Variants in RIPK4 observed in about 807,000 individuals in gnomAD.
RIPK4 encodes receptor interacting serine/threonine kinase 4.
A neutral mutation model predicts 42.9 loss-of-function variants in RIPK4; 17 were observed. That is an observed-to-expected ratio of 0.40 (90% CI 0.27 to 0.59). The LOEUF (loss-of-function observed/expected upper bound fraction) is 0.59. Among genes scored for constraint, RIPK4 ranks in the 20% least tolerant of loss-of-function variants. RIPK4 has a pLI of 0.47. For missense variants in RIPK4, 897 were observed against 1,104.4 expected, an observed-to-expected ratio of 0.81 and a Z score of 2.66; for synonymous variants, 498 against 499.1, an observed-to-expected ratio of 1.00 and a Z score of 0.03.
chr21:41,745,375 C>T (rs1347519235), intron 6 of RIPK4, among the ~76,000 whole-genome samples: 1 of 152,208 alleles, frequency 6.6e-6, no homozygotes, highest in Non-Finnish European at 1.5e-5. Context: ...CATCAGAGTG[C>T]AGACCATTTA....
intron 5 of RIPK4, chr21:41,746,229 AG>A: frequency 1.7e-6 from 1 of 602,456 alleles, no homozygotes; most frequent in South Asian, 1.6e-5. Flanking sequence ...TTCCTATGCC[AG>A]AGACACATCT....
chr21:41,741,092 G>T lies in RIPK4; in HGVS notation c.2101C>A (p.Pro701Thr), dbSNP rs35537517. ...AGGTGCAGCGCCGTCTGGTTCAGGGGTCCCCGGGCCAGCACATCGGCCTTC... is the reference window on the plus strand; with the variant it reads ...AGGTGCAGCGCCGTCTGGTTCAGGGTTCCCCGGGCCAGCACATCGGCCTTC... ...EEKADVLARGPLNQTALHLAA... is the reference protein window; with the variant it reads ...EEKADVLARGTLNQTALHLAA... Residue 701 changes from proline to threonine, a missense_variant, in exon 8 of 8, where the codon CCC becomes ACC. Pro to Thr is a conservative substitution (Grantham distance 38). Coordinates refer to ENST00000332512, the MANE Select transcript of RIPK4 (RefSeq NM_020639.3). 6.2e-7 allele frequency: 1 copy of T among 1,612,138 alleles called. No individual in the cohort carries two copies. Among genetic ancestry groups the T allele is most frequent in the South Asian group, 1.1e-5 (1 of 91,030 alleles).
intron 6 of RIPK4, among the ~76,000 whole-genome samples, chr21:41,744,977 C>A (rs1279748875): frequency 6.6e-6 from 1 of 152,162 alleles, no homozygotes; most frequent in African/African-American, 2.4e-5. Context: ...TGCCCCAACT[C>A]CCCACCCTTT....
chr21:41,745,786 C>A lies in RIPK4; in HGVS notation c.909G>T (p.Val303=). The A allele has an allele frequency of 6.2e-7, 1 of 1,614,174 alleles. No individual in the cohort carries two copies. Among genetic ancestry groups the A allele is most frequent in the Non-Finnish European group, 8.5e-7 (1 of 1,180,008 alleles). The part of the protein sequence containing the change: ...EVKETAHDLD[V]KSPPEPRSEV... ...CGCTCCTGGGCTCCGGGGGGCTTTT[C>A]ACGTCCAGATCATGAGCAGTTTCTT... The change falls in exon 6 of 8, where the codon GTG becomes GTT. Residue 303 remains valine (V), a synonymous_variant. Transcript: ENST00000332512.
intron 4 of RIPK4, 62 bp downstream of exon 4, chr21:41,749,092 G>A: frequency 6.5e-7 from 1 of 1,544,024 alleles, no homozygotes; most frequent in African/African-American, 1.4e-5. Flanking sequence ...AGGACAACAA[G>A]GTGTCCCCCC....
rs985764207 is a variant in RIPK4 at position 41,766,901 on chromosome 21, C to A, written c.141G>T (p.Trp47Cys). 5.0e-6 allele frequency: 8 copies of A among 1,610,416 alleles called. No individual in the cohort carries two copies. The highest frequency in any genetic ancestry group is 6.8e-6 in the Non-Finnish European group (8 of 1,178,804). Reference sequence around the variant, plus strand: ...GGCTGGGCGAGCACTTGATGGCCAGCCAGGTCTTCCAGTGGACATGGCGCA... The same window carrying A: ...GGCTGGGCGAGCACTTGATGGCCAGACAGGTCTTCCAGTGGACATGGCGCA... ...YKVRHVHWKT[W>C]LAIKCSPSLH... is the part of the protein sequence containing the mutation. Residue 47 changes from tryptophan (W) to cysteine (C), a missense_variant, in exon 1 of 8, where the codon TGG becomes TGT. By Grantham distance (215) the Trp-to-Cys change is radical (BLOSUM62 -2). Transcript: ENST00000332512.
intron 1 of RIPK4, among the ~76,000 whole-genome samples, chr21:41,759,727 C>T (rs1569106603): frequency 6.6e-6 from 1 of 152,212 alleles, no homozygotes; most frequent in Non-Finnish European, 1.5e-5. Flanking sequence ...AAAACAGTGC[C>T]AACAGAACGC....
rs2061168792 is a variant in RIPK4 at position 41,745,779 on chromosome 21, G to C, written c.916C>G (p.Pro306Ala). Reference sequence around the variant, plus strand: ...GTTACCTCGCTCCTGGGCTCCGGGGGGCTTTTCACGTCCAGATCATGAGCA... The same window carrying C: ...GTTACCTCGCTCCTGGGCTCCGGGGCGCTTTTCACGTCCAGATCATGAGCA... ...ETAHDLDVKSPPEPRSEVVPA... is the reference protein window; with the variant it reads ...ETAHDLDVKSAPEPRSEVVPA... The change falls in exon 6 of 8, where the codon CCC (proline) becomes GCC (alanine). Residue 306 changes from proline (P) to alanine (A), a missense_variant. Pro to Ala is a conservative substitution (Grantham distance 27, BLOSUM62 -1). Coordinates refer to ENST00000332512, the MANE Select transcript of RIPK4 (RefSeq NM_020639.3). The C allele has an allele frequency of 1.2e-6, 2 of 1,613,970 alleles. No individual in the cohort carries two copies. The highest frequency in any genetic ancestry group is 1.7e-5 in the Admixed American group (1 of 60,004).
intron 3 of RIPK4, among the ~76,000 whole-genome samples, chr21:41,749,676 G>A (rs541139290): frequency 1.3e-5 from 2 of 152,258 alleles, no homozygotes; most frequent in East Asian, 1.9e-4. Context: ...CGTTCCTAAC[G>A]TAGGCTTGCT....
At chr21:41,756,386 T>C (rs968377110) in intron 2 of RIPK4, 139 bp downstream of exon 2, 16 of 1,119,786 alleles carry the variant, frequency 1.4e-5, no homozygotes, top group Non-Finnish European at 2.0e-5. Flanking sequence ...AAGGCCTCGG[T>C]TTCAAGCTCT....
At position 41,756,640 on chromosome 21, in the gene RIPK4, C is replaced by A; in HGVS notation, c.359G>T (p.Arg120Leu). Residue 120 changes from arginine (R) to leucine (L), a missense_variant, in exon 2 of 8, where the codon CGA becomes CTA. Coordinates refer to ENST00000332512, the MANE Select transcript of RIPK4 (RefSeq NM_020639.3). ...SEPLPWDLRF[R>L]IIHETAVGMN... The stretch of plus-strand genomic sequence containing the variant: ...GCCCACCGCCGTCTCGTGGATGATT[C>A]GGAACCGGAGATCCCATGGCAATGG... The A allele has an allele frequency of 6.2e-7, 1 of 1,614,052 alleles. No homozygotes were observed. Among genetic ancestry groups the A allele is most frequent in the Non-Finnish European group, 8.5e-7 (1 of 1,180,034 alleles).
rs553450563 is a variant in RIPK4, at chr21:41,739,579, T to C, written c.*1259A>G. 6 of 152,354 alleles carry C rather than the reference T, an allele frequency of 3.9e-5. No homozygotes were observed. Among genetic ancestry groups the C allele is most frequent in the Non-Finnish European group, 8.8e-5 (6 of 68,030 alleles). The allele number at this position is 152,354 out of a possible 1,614,324, so 9.4% of individuals were successfully genotyped here. ...TACATTAATATCAATCTCTATCATA[T>C]ACCAGGCCACGGTACATGTTTGCAC... On this transcript the variant is annotated 3_prime_UTR_variant, in exon 8 of 8. Transcript: ENST00000332512.
At chr21:41,748,515 G>A (rs1221715246) in intron 4 of RIPK4, among the ~76,000 whole-genome samples, 1 of 152,252 alleles carries the variant, frequency 6.6e-6, no homozygotes, top group African/African-American at 2.4e-5. Context: ...CAGCTCTCAA[G>A]CTGGGCAGGG....
chr21:41,750,966 C>A, intron 3 of RIPK4, 131 bp downstream of exon 3: 2 of 1,170,266 alleles, frequency 1.7e-6, no homozygotes, highest in African/African-American at 1.5e-5. Context: ...GCGTGAGTCA[C>A]CGCGCCTGGC....
At position 41,740,851 on chromosome 21, in the gene RIPK4, C is replaced by T. The variant is rs780601261; in HGVS notation, c.2342G>A (p.Arg781Gln). Reference protein sequence around the residue: ...GHGPAATLLRRSKT With the variant: ...GHGPAATLLRQSKT ...GCAGGCAGCCAGCTAGGTCTTGCTT[C>T]GCCGCAGGAGCGTGGCGGCGGGGCC... The change falls in exon 8 of 8, where the codon CGA (arginine) becomes CAA (glutamine). Residue 781 changes from arginine (R) to glutamine (Q), a missense_variant. Arg to Gln is a conservative substitution (Grantham distance 43). Coordinates refer to ENST00000332512, the MANE Select transcript of RIPK4 (RefSeq NM_020639.3). 10 of 1,603,584 alleles carry T rather than the reference C, an allele frequency of 6.2e-6. No homozygotes were observed. The highest frequency in any genetic ancestry group is 1.3e-5 in the African/African-American group (1 of 74,718).
At chr21:41,746,005 C>T in intron 5 of RIPK4, 143 bp from the exon 6 acceptor site, 2 of 774,872 alleles carry the variant, frequency 2.6e-6, no homozygotes, top group South Asian at 2.8e-5. Flanking sequence ...AGCCCAGGGG[C>T]CCTACATGGA....
Position 41,744,067 on chromosome 21 carries a change from G to A in RIPK4, c.1010C>T (p.Ser337Leu), listed in dbSNP as rs2061162809. ...CTGGGAAACTCCAGAGTCCAGCTGT[G>A]AGAGCAGCTCGGAGAGGCTGTAGTC... ...DNDYSLSELL[S>L]QLDSGVSQAV... Residue 337 changes from serine (S) to leucine (L), a missense_variant, in exon 7 of 8, where the codon TCA (serine) becomes TTA (leucine). Ser to Leu is a moderately radical substitution (Grantham distance 145). Transcript: ENST00000332512. 2 of 1,612,590 alleles carry A rather than the reference G, an allele frequency of 1.2e-6. No individual in the cohort carries two copies. The highest frequency in any genetic ancestry group is 1.3e-5 in the African/African-American group (1 of 74,922).
intron 1 of RIPK4, among the ~76,000 whole-genome samples, chr21:41,758,049 G>T (rs867137273): frequency 0.03 from 3,307 of 109,434 alleles, 61 homozygotes; most frequent in Middle Eastern, 0.045. Context: ...TATAGAGAGA[G>T]AGAGAGAGAG....
In RIPK4 at chr21:41,744,109, G is replaced by T; in HGVS notation, c.968C>A (p.Ala323Asp). The change falls in exon 7 of 8, where the codon GCC becomes GAC. Residue 323 changes from alanine to aspartate, a missense_variant. By Grantham distance (126) the Ala-to-Asp change is moderately radical. Transcript: ENST00000332512. ...VVPARLKRAS[A>D]PTFDNDYSLS... ...GCTGTAGTCGTTATCGAAGGTGGGG[G>T]CAGAGGCCCGCTTGAGCCTCGCAGG... The T allele has an allele frequency of 6.2e-7, 1 of 1,603,918 alleles. No individual in the cohort carries two copies. Among genetic ancestry groups the T allele is most frequent in the East Asian group, 2.2e-5 (1 of 44,634 alleles).
Sources: gnomAD v4.1 joint callset for allele counts (sites outside exome capture counted in the v4.1 genomes callset) on GRCh38, gnomAD v4.1.1 for gene constraint, MANE v1.5 for transcripts, NCBI Gene and HGNC (gene_info 2026-07-23, HGNC 2026-07-21) for gene names.